The following ADAMTS19 variants were observed in gnomAD, a reference collection of about 807,000 sequenced individuals.
ADAMTS19 encodes the protein ADAM metallopeptidase with thrombospondin type 1 motif 19.
ADAMTS19 carries 93 observed loss-of-function variants against 153.3 expected under a neutral mutation model. The observed-to-expected ratio is 0.61, with a 90% confidence interval of 0.51 to 0.72. The LOEUF (loss-of-function observed/expected upper bound fraction) is 0.72. Ranked by LOEUF, ADAMTS19 falls within the 30% of genes least tolerant of loss-of-function variation. ADAMTS19 has a pLI of 0.00. For missense variants in ADAMTS19, 1,482 were observed against 1,552.1 expected (o/e 0.95, Z 0.76); for synonymous variants, 600 against 556.6 (o/e 1.08, Z -1.10).
intron 8 of ADAMTS19, among the ~76,000 whole-genome samples, chr5:129,607,076 C>T (rs62399019): frequency 0.06 from 9,191 of 152,070 alleles, 408 homozygotes; most frequent in Non-Finnish European, 0.087. Context: ...CAGCACCCCA[C>T]CCAGCTAATT....
intron 19 of ADAMTS19, among the ~76,000 whole-genome samples, chr5:129,696,688 T>C (rs1339452621): frequency 6.6e-6 from 1 of 152,168 alleles, no homozygotes; most frequent in Non-Finnish European, 1.5e-5. Flanking sequence ...AGGCATAACT[T>C]GGTTTGGTCT....
intron 2 of ADAMTS19, among the ~76,000 whole-genome samples, chr5:129,470,793 C>T (rs932178461): frequency 1.1e-4 from 17 of 152,118 alleles, no homozygotes; most frequent in African/African-American, 3.6e-4. Context: ...TGCTGGTGAG[C>T]CCAGGCCAGT....
chr5:129,629,168 A>T (rs1435186523), intron 10 of ADAMTS19, among the ~76,000 whole-genome samples: 1 of 152,132 alleles, frequency 6.6e-6, no homozygotes, highest in Admixed American at 6.6e-5. Context: ...CTCAATAAAT[A>T]TTTGATGAAT....
chr5:129,710,106 T>C (rs1756373194), intron 21 of ADAMTS19, among the ~76,000 whole-genome samples: 1 of 152,148 alleles, frequency 6.6e-6, no homozygotes, highest in South Asian at 2.1e-4. Flanking sequence ...ATTAGCTATT[T>C]ATCCTGATGC....
chr5:129,664,081 G>A (rs552326739), intron 15 of ADAMTS19, among the ~76,000 whole-genome samples: 7 of 149,484 alleles, frequency 4.7e-5, no homozygotes, highest in Admixed American at 6.8e-5. Context: ...TCCCAAGTAT[G>A]AGTAATTTTT....
In ADAMTS19 at chr5:129,680,768, A is replaced by G. The variant is rs1356910313; in HGVS notation, c.2664+847A>G. On this transcript the variant is annotated intron_variant, in intron 17 of 22. Transcript: ENST00000274487. ...CAGAGGGAGACTCTGTCTCAAAAAA[A>G]AAAAAAACAAAAAAAAAAACTGGAT... Among the ~76,000 whole-genome samples, 3 of 145,404 alleles carry G rather than the reference A, an allele frequency of 2.1e-5. No individual in the cohort carries two copies. In the East Asian group the frequency reaches 6.6e-4, roughly 32 times the overall value.
At position 129,585,011 on chromosome 5, in the gene ADAMTS19, C is replaced by G. The variant is rs140528725; in HGVS notation, c.1373-11548C>G. ...GCTGCCCAGTTTTGTGCTTGAATCT[C>G]AGGGCCCTGGTGGTGCAGGCACCTG... On this transcript the variant is annotated intron_variant, in intron 7 of 22. Coordinates refer to ENST00000274487, the MANE Select transcript of ADAMTS19 (RefSeq NM_133638.6). 9.5e-4 allele frequency among the ~76,000 whole-genome samples: 144 copies of G among 152,296 alleles called. 2 individuals are homozygous for G. In the East Asian group the frequency reaches 0.025, roughly 26 times the overall value.
intron 13 of ADAMTS19, among the ~76,000 whole-genome samples, chr5:129,653,365 T>A (rs78202904): frequency 0.027 from 4,117 of 152,306 alleles, 97 homozygotes; most frequent in Middle Eastern, 0.068. Context: ...TGTTACCAAA[T>A]ACTGCAGCTC....
intron 7 of ADAMTS19, among the ~76,000 whole-genome samples, chr5:129,560,616 T>A (rs891913153): frequency 2.0e-5 from 3 of 152,244 alleles, no homozygotes; most frequent in African/African-American, 7.2e-5. Flanking sequence ...TTGTTATTTT[T>A]ACTCCGTCAT....
chr5:129,697,440 T>A (rs1288788362), intron 19 of ADAMTS19, among the ~76,000 whole-genome samples: 1 of 152,212 alleles, frequency 6.6e-6, no homozygotes, highest in African/African-American at 2.4e-5. Context: ...GCTCTAACAG[T>A]CCTACCCCAG....
chr5:129,613,415 C>A (rs1435039683), intron 8 of ADAMTS19, among the ~76,000 whole-genome samples: 1 of 152,118 alleles, frequency 6.6e-6, no homozygotes, highest in African/African-American at 2.4e-5. Context: ...GGAAACTGAA[C>A]AACCTGTTCC....
chr5:129,564,465 T>C (rs1000952800), intron 7 of ADAMTS19, among the ~76,000 whole-genome samples: 4 of 152,196 alleles, frequency 2.6e-5, no homozygotes, highest in Non-Finnish European at 4.4e-5. Flanking sequence ...TGCAAGTATA[T>C]ACATGATCCT....
chr5:129,661,296 C>T (rs569320027), intron 15 of ADAMTS19, among the ~76,000 whole-genome samples: 48 of 152,204 alleles, frequency 3.2e-4, no homozygotes, highest in Middle Eastern at 3.4e-3. Context: ...GCATAGTATG[C>T]GATCCATTAA....
intron 3 of ADAMTS19, among the ~76,000 whole-genome samples, chr5:129,519,943 G>T (rs924764856): frequency 1.3e-5 from 2 of 151,962 alleles, no homozygotes; most frequent in Admixed American, 1.3e-4. Flanking sequence ...ACCTGAATAT[G>T]GTAAGTAGAT....
rs1359246550 is a variant in ADAMTS19 at position 129,553,275 on chromosome 5, G to A, written c.1372+1368G>A. On this transcript the variant is annotated intron_variant, in intron 7 of 22. Transcript: ENST00000274487. ...CGCCATCTTCCATAGCTATACACAC[G>A]AACTGACTCTTTATAGCCTGTAAGC... is the stretch of plus-strand genomic sequence containing the variant. Among the ~76,000 whole-genome samples the A allele has an allele frequency of 2.0e-5, 3 of 152,130 alleles. No individual in the cohort carries two copies. In the East Asian group the frequency reaches 5.8e-4, roughly 29 times the overall value.
chr5:129,648,996 C>A (rs1753195403), intron 13 of ADAMTS19, 26 bp downstream of exon 13: 1 of 1,531,208 alleles, frequency 6.5e-7, no homozygotes, highest in African/African-American at 1.4e-5. Flanking sequence ...TCACCACCAT[C>A]TTTGTTAACT....
intron 18 of ADAMTS19, among the ~76,000 whole-genome samples, chr5:129,686,387 G>A (rs56079606): frequency 0.08 from 12,189 of 152,160 alleles, 610 homozygotes; most frequent in Middle Eastern, 0.14. Context: ...AGGGGTTAAA[G>A]AATTCTTAGT....
chr5:129,604,124 A>G (rs1489697223), intron 8 of ADAMTS19, among the ~76,000 whole-genome samples: 4 of 152,046 alleles, frequency 2.6e-5, no homozygotes, highest in Non-Finnish European at 5.9e-5. Flanking sequence ...GGGGAGGGAG[A>G]GCATCAGGAA....
intron 10 of ADAMTS19, among the ~76,000 whole-genome samples, chr5:129,637,085 T>C (rs1216283161): frequency 6.6e-6 from 1 of 152,170 alleles, no homozygotes; most frequent in Non-Finnish European, 1.5e-5. Context: ...CTTACACTGA[T>C]GTCAAGATGT....
Sources: allele counts gnomAD v4.1 joint callset (sites outside exome capture counted in the v4.1 genomes callset), GRCh38; gene constraint gnomAD v4.1.1; transcripts MANE v1.5; gene names NCBI Gene and HGNC (gene_info 2026-07-23, HGNC 2026-07-21).